Variants in SCRN1 observed in about 807,000 individuals in gnomAD.
SCRN1 encodes the protein secernin 1.
SCRN1 carries 19 observed loss-of-function variants against 43.3 expected under a neutral mutation model. That is an observed-to-expected ratio of 0.44 (90% CI 0.31 to 0.64). The LOEUF (loss-of-function observed/expected upper bound fraction) is 0.64, where lower values mean the gene tolerates loss of function less well. SCRN1 is among the 30% of genes least tolerant of loss of function. The pLI is 0.09. For missense variants in SCRN1, 447 were observed against 524.1 expected, an observed-to-expected ratio of 0.85 and a Z score of 1.44; for synonymous variants, 183 against 188.9, an observed-to-expected ratio of 0.97 and a Z score of 0.26.
intron 1 of SCRN1, among the ~76,000 whole-genome samples, chr7:29,971,782 T>C (rs1458400946): frequency 6.6e-6 from 1 of 152,202 alleles, no homozygotes; most frequent in Non-Finnish European, 1.5e-5. Context: ...ATATTCTATG[T>C]TTAGAAACCT....
intron 2 of SCRN1, among the ~76,000 whole-genome samples, chr7:29,957,282 G>C (rs972629354): frequency 6.6e-6 from 1 of 152,240 alleles, no homozygotes; most frequent in African/African-American, 2.4e-5. Flanking sequence ...TTTGGCTGGG[G>C]AGGAAGGCAA....
At chr7:29,986,770 G>A (rs1162275030) in intron 1 of SCRN1, among the ~76,000 whole-genome samples, 1 of 138,726 alleles carries the variant, frequency 7.2e-6, no homozygotes. Flanking sequence ...TGTCGCCCAG[G>A]CTGGAGTGCA....
At chr7:29,990,132 G>A (rs1026023225), upstream of SCRN1, 57 of 1,551,244 alleles carry the variant, frequency 3.7e-5, no homozygotes, top group African/African-American at 8.2e-5. Context: ...TGCTACGTCC[G>A]GGCCTCGGCG....
At chr7:29,956,572 G>A (rs1229228222) in intron 2 of SCRN1, among the ~76,000 whole-genome samples, 1 of 152,184 alleles carries the variant, frequency 6.6e-6, no homozygotes, top group Non-Finnish European at 1.5e-5. Context: ...AAGCTATTCT[G>A]TATTGATTTC....
At chr7:29,959,126 C>A (rs973839190) in intron 2 of SCRN1, among the ~76,000 whole-genome samples, 2 of 152,154 alleles carry the variant, frequency 1.3e-5, no homozygotes, top group Non-Finnish European at 2.9e-5. Context: ...TGGATATGAC[C>A]CAGTGAAAGG....
At chr7:29,957,770 G>A (rs1216230176) in intron 2 of SCRN1, among the ~76,000 whole-genome samples, 2 of 152,274 alleles carry the variant, frequency 1.3e-5, no homozygotes, top group Admixed American at 1.3e-4. Flanking sequence ...TAAAAAATGG[G>A]CCAGCCATCA....
chr7:29,924,868 C>T (rs1786889374), intron 7 of SCRN1, among the ~76,000 whole-genome samples: 1 of 152,166 alleles, frequency 6.6e-6, no homozygotes, highest in Non-Finnish European at 1.5e-5. Context: ...AGTCCCAGAA[C>T]TGAGAAGCTG....
rs1338638477 is a variant in SCRN1 at position 29,921,465 on chromosome 7, G to C, written c.*2492C>G. On this transcript the variant is annotated 3_prime_UTR_variant, in exon 8 of 8. Transcript: ENST00000242059. ...ATATAAGTACATAAAGTCACTAAAA[G>C]TAAGCGCAGCCACATCAGCAGATTC... 1.3e-5 allele frequency: 2 copies of C among 152,174 alleles called. No individual in the cohort carries two copies. Among genetic ancestry groups the C allele is most frequent in the Admixed American group, 6.5e-5 (1 of 15,284 alleles). 9.4% of individuals were successfully genotyped at this position (152,174 alleles called of 1,614,324 possible).
chr7:29,944,130 C>A lies in SCRN1; in HGVS notation c.391G>T (p.Val131Phe). ...TGTCCATGTTCTTCCAACAAGGAGA[C>A]AATGACATCTAAGGCTTCTTTAGCT... The part of the protein sequence containing the change: ...ETAKEALDVI[V>F]SLLEEHGQGG... Residue 131 changes from valine to phenylalanine, a missense_variant, in exon 4 of 8, where the codon GTC (valine) becomes TTC (phenylalanine). Transcript: ENST00000242059. 3 of 1,614,240 alleles carry A rather than the reference C, an allele frequency of 1.9e-6. No homozygotes were observed. Among genetic ancestry groups the A allele is most frequent in the Non-Finnish European group, 2.5e-6 (3 of 1,180,036 alleles).
In SCRN1 at chr7:29,920,323, C is replaced by T. The variant is rs1229566242; in HGVS notation, c.*3634G>A. On this transcript the variant is annotated 3_prime_UTR_variant, in exon 8 of 8. Transcript: ENST00000242059. ...TTTCCATCTAACACATTTAAATTCTCACAGCATAATTGCAAACATGTACAT... is the reference window on the plus strand; with the variant it reads ...TTTCCATCTAACACATTTAAATTCTTACAGCATAATTGCAAACATGTACAT... The T allele has an allele frequency of 6.6e-6, 1 of 152,128 alleles. No individual in the cohort carries two copies. Among genetic ancestry groups the T allele is most frequent in the African/African-American group, 2.4e-5 (1 of 41,390 alleles). The allele number at this position is 152,128 out of a possible 1,614,324, so 9.4% of individuals were successfully genotyped here.
chr7:29,955,368 A>C lies in SCRN1; in HGVS notation c.160-8T>G. On this transcript the variant is annotated splice_polypyrimidine_tract_variant and splice_region_variant and intron_variant, in intron 2 of 7. Coordinates refer to ENST00000242059, the MANE Select transcript of SCRN1 (RefSeq NM_014766.5). ...GATTGAAATGTAAGTGCACTGAAAA[A>C]CAAACACAGGAAAGAAAGCGCCATC... 6.2e-7 allele frequency: 1 copy of C among 1,612,500 alleles called. No individual in the cohort carries two copies. Among genetic ancestry groups the C allele is most frequent in the Non-Finnish European group, 8.5e-7 (1 of 1,179,302 alleles).
At chr7:29,961,484 C>G (rs572979258) in intron 2 of SCRN1, among the ~76,000 whole-genome samples, 4 of 145,512 alleles carry the variant, frequency 2.7e-5, no homozygotes, top group African/African-American at 1.0e-4. Context: ...TACACAGACA[C>G]GGCAACCATC....
rs771299178 is a variant in SCRN1, at chr7:29,955,339, G to A, written c.181C>T (p.Gln61Ter). Residue 61 changes from glutamine to a stop codon, truncating the protein, a stop_gained, in exon 3 of 8, where the codon CAA becomes TAA. Coordinates refer to ENST00000242059, the MANE Select transcript of SCRN1 (RefSeq NM_014766.5). LOFTEE classifies it high-confidence loss of function. ...KVECTYISIDQVPRTYAIMIS... is the reference protein window; with the variant it reads ...KVECTYISID ...ATTATGGCATAGGTCCTTGGAACTT[G>A]GTCGATTGAAATGTAAGTGCACTGA... 2 of 1,613,584 alleles carry A rather than the reference G, an allele frequency of 1.2e-6. No individual in the cohort carries two copies.
intron 1 of SCRN1, among the ~76,000 whole-genome samples, chr7:29,982,982 G>A (rs1789037286): frequency 6.6e-6 from 1 of 151,912 alleles, no homozygotes; most frequent in African/African-American, 2.4e-5. Flanking sequence ...GGGATTACAG[G>A]CATGCACCTC....
At chr7:29,988,046 T>A (rs1026703278) in intron 1 of SCRN1, among the ~76,000 whole-genome samples, 1 of 148,390 alleles carries the variant, frequency 6.7e-6, no homozygotes, top group African/African-American at 2.5e-5. Context: ...AAAGGCTGTT[T>A]AAAAAAAAAA....
chr7:29,928,947 C>T lies in SCRN1; in HGVS notation c.906-2315G>A, dbSNP rs117573673. On this transcript the variant is annotated intron_variant, in intron 6 of 7. Coordinates refer to ENST00000242059, the MANE Select transcript of SCRN1 (RefSeq NM_014766.5). ...GCAAAAGGGCTGCAGATGGAGGGCT[C>T]GCTGCAATGGAGCAGTGGGGAGGAG... Among the ~76,000 whole-genome samples the T allele has an allele frequency of 1.1e-4, 17 of 152,278 alleles. No homozygotes were observed. The East Asian group carries it at 3.1e-3, about 28-fold the overall frequency.
chr7:29,924,560 C>T (rs1200537126), intron 7 of SCRN1, among the ~76,000 whole-genome samples: 3 of 152,216 alleles, frequency 2.0e-5, no homozygotes, highest in Non-Finnish European at 4.4e-5. Flanking sequence ...AAAGCCTTTC[C>T]TCTTCCCCGC....
At position 29,965,615 on chromosome 7, in the gene SCRN1, C is replaced by T. The variant is rs1788462156; in HGVS notation, c.159+3294G>A. ...CTTTCTTACCCGTGAGGTTATTTCA[C>T]CTGCAGAATATGCAAGTGGGAACGC... On this transcript the variant is annotated intron_variant, in intron 2 of 7. Transcript: ENST00000242059. This position sits in a 1 kb window ranked among gnomAD's most constrained non-coding sequence, Gnocchi z 4.2. Among the ~76,000 whole-genome samples the T allele has an allele frequency of 6.6e-6, 1 of 152,120 alleles. No individual in the cohort carries two copies. Among genetic ancestry groups the T allele is most frequent in the South Asian group, 2.1e-4 (1 of 4,822 alleles).
In SCRN1 at chr7:29,950,347, C is replaced by T. The variant is rs1376309995; in HGVS notation, c.341+4832G>A. Among the ~76,000 whole-genome samples the T allele has an allele frequency of 6.6e-6, 1 of 152,210 alleles. No homozygotes were observed. Among genetic ancestry groups the T allele is most frequent in the Non-Finnish European group, 1.5e-5 (1 of 68,034 alleles). ...TCTCCAGACTTTGGGCATCAATGAG[C>T]ACAGGAGGGAGGCTGGGAGGGCTGA... On this transcript the variant is annotated intron_variant, in intron 3 of 7. Coordinates refer to ENST00000242059, the MANE Select transcript of SCRN1 (RefSeq NM_014766.5). The surrounding 1 kb of genome is among the most constrained non-coding windows in gnomAD (Gnocchi z 4.5).
Sources: gnomAD v4.1 joint callset for allele counts (sites outside exome capture counted in the v4.1 genomes callset) on GRCh38, gnomAD v4.1.1 for gene constraint, Gnocchi (gnomAD v3.1) non-coding constraint, MANE v1.5 for transcripts, NCBI Gene and HGNC (gene_info 2026-07-23, HGNC 2026-07-21) for gene names.